ELAVL2: variants seen among roughly 807,000 people sequenced by gnomAD.
The protein encoded by ELAVL2 is ELAV-like protein 2.
Under a neutral mutation model 34.6 loss-of-function variants are expected in ELAVL2, and 4 were observed. The observed-to-expected ratio is 0.12, with a 90% confidence interval of 0.06 to 0.26. The LOEUF is 0.26. Ranked by LOEUF, ELAVL2 falls within the 10% of genes least tolerant of loss-of-function variation. The pLI, the probability that ELAVL2 is intolerant of heterozygous loss-of-function variation, is 1.00. For synonymous variants in ELAVL2, 193 were observed against 154.8 expected (o/e 1.25, Z -1.83); for missense variants, 432 against 442.8 (o/e 0.98, Z 0.22).
intron 2 of ELAVL2, among the ~76,000 whole-genome samples, chr9:23,735,059 A>G (rs533208604): frequency 6.8e-6 from 1 of 146,716 alleles, no homozygotes; most frequent in South Asian, 2.2e-4. Flanking sequence ...GGAAACCAAC[A>G]TGATTAAAAG....
chr9:23,720,401 C>T (rs1197014806), intron 3 of ELAVL2, among the ~76,000 whole-genome samples: 1 of 149,198 alleles, frequency 6.7e-6, no homozygotes, highest in Non-Finnish European at 1.5e-5. Context: ...TGATCCTGAA[C>T]TTCTGACTGC....
At chr9:23,733,275 T>G (rs1018839893) in intron 2 of ELAVL2, among the ~76,000 whole-genome samples, 1 of 151,926 alleles carries the variant, frequency 6.6e-6, no homozygotes, top group African/African-American at 2.4e-5. Flanking sequence ...TGTGTCTGTA[T>G]ATATATGTGT....
intron 1 of ELAVL2, among the ~76,000 whole-genome samples, chr9:23,824,274 A>G (rs552223228): frequency 5.9e-5 from 9 of 152,282 alleles, no homozygotes; most frequent in African/African-American, 1.9e-4. Context: ...AATTCTGTAC[A>G]GACGTGAAAT....
At chr9:23,698,256 T>C (rs1300072688) in intron 5 of ELAVL2, among the ~76,000 whole-genome samples, 4 of 152,214 alleles carry the variant, frequency 2.6e-5, no homozygotes, top group African/African-American at 9.6e-5. Context: ...TTAAGGGGCT[T>C]GAATTACACC....
intron 1 of ELAVL2, among the ~76,000 whole-genome samples, chr9:23,791,303 G>C (rs1005570222): frequency 6.6e-6 from 1 of 152,176 alleles, no homozygotes; most frequent in Non-Finnish European, 1.5e-5. Flanking sequence ...TTCCCTTCTG[G>C]AATGAAAAAC....
chr9:23,743,864 C>G (rs2049872087), intron 2 of ELAVL2, among the ~76,000 whole-genome samples: 1 of 152,120 alleles, frequency 6.6e-6, no homozygotes, highest in African/African-American at 2.4e-5. Context: ...ATATCTGAGA[C>G]CCACTCTTGG....
At chr9:23,705,842 C>A (rs2133385784) in intron 3 of ELAVL2, among the ~76,000 whole-genome samples, 1 of 152,280 alleles carries the variant, frequency 6.6e-6, no homozygotes, top group East Asian at 1.9e-4. Flanking sequence ...GGTCCATGGC[C>A]AGGGGTTGGG....
At chr9:23,754,319 T>G (rs2052971195) in intron 2 of ELAVL2, among the ~76,000 whole-genome samples, 1 of 152,200 alleles carries the variant, frequency 6.6e-6, no homozygotes, top group African/African-American at 2.4e-5. Context: ...ATTAAAGGCT[T>G]CATTACCACA....
chr9:23,723,712 G>T (rs2044342601), intron 3 of ELAVL2, among the ~76,000 whole-genome samples: 1 of 152,074 alleles, frequency 6.6e-6, no homozygotes, highest in Non-Finnish European at 1.5e-5. Flanking sequence ...TGATGCACAT[G>T]GTTTGCTTGA....
At chr9:23,737,655 T>G (rs1462340493) in intron 2 of ELAVL2, among the ~76,000 whole-genome samples, 2 of 152,176 alleles carry the variant, frequency 1.3e-5, no homozygotes, top group African/African-American at 2.4e-5. Context: ...ACCTGGTAGT[T>G]GAATCAACAA....
intron 2 of ELAVL2, among the ~76,000 whole-genome samples, chr9:23,737,793 A>C (rs2048246160): frequency 6.6e-6 from 1 of 152,208 alleles, no homozygotes; most frequent in Non-Finnish European, 1.5e-5. Context: ...GAAACAGGTC[A>C]CTATGGTCCT....
At chr9:23,715,906 C>A (rs2133871532) in intron 3 of ELAVL2, among the ~76,000 whole-genome samples, 1 of 152,162 alleles carries the variant, frequency 6.6e-6, no homozygotes, top group East Asian at 1.9e-4. Flanking sequence ...AGGTTCTCAT[C>A]AAGCCAATTT....
chr9:23,832,546 G>C, the ELAVL2 span, among the ~76,000 whole-genome samples: 22 of 152,106 alleles, frequency 1.4e-4, 1 homozygote, highest in African/African-American at 5.3e-4. Context: ...TAATGTCTTA[G>C]TGTTGTACCT....
At chr9:23,729,477 A>G (rs2046030529) in intron 3 of ELAVL2, among the ~76,000 whole-genome samples, 1 of 152,196 alleles carries the variant, frequency 6.6e-6, no homozygotes, top group Non-Finnish European at 1.5e-5. Context: ...GATCTCTGAC[A>G]CAGAAAGTAT....
intron 1 of ELAVL2, among the ~76,000 whole-genome samples, chr9:23,810,825 A>C (rs1456965777): frequency 2.0e-5 from 3 of 152,174 alleles, no homozygotes; most frequent in Non-Finnish European, 2.9e-5. Context: ...ACTTGGTGTT[A>C]ATCACCATTA....
intron 1 of ELAVL2, among the ~76,000 whole-genome samples, chr9:23,774,714 C>A (rs960176008): frequency 4.1e-5 from 6 of 145,696 alleles, no homozygotes; most frequent in South Asian, 2.2e-4. Flanking sequence ...TGCTTATGCT[C>A]AGGCTCTTGG....
At chr9:23,707,021 A>G (rs1209955402) in intron 3 of ELAVL2, among the ~76,000 whole-genome samples, 1 of 152,220 alleles carries the variant, frequency 6.6e-6, no homozygotes, top group African/African-American at 2.4e-5. Flanking sequence ...TTTGGAAGTT[A>G]TATTAGCACT....
chr9:23,715,523 C>T (rs2042066386), intron 3 of ELAVL2, among the ~76,000 whole-genome samples: 3 of 152,218 alleles, frequency 2.0e-5, no homozygotes, highest in African/African-American at 7.2e-5. Flanking sequence ...TTGGCTTTTG[C>T]TGCTTCACTG....
chr9:23,715,802 AAAG>A (rs1031485834), intron 3 of ELAVL2, among the ~76,000 whole-genome samples: 1 of 152,170 alleles, frequency 6.6e-6, no homozygotes, highest in African/African-American at 2.4e-5. Flanking sequence ...ATGTTAAACT[AAAG>A]AAGGACTACA....
Sources: allele counts gnomAD v4.1 joint callset (sites outside exome capture counted in the v4.1 genomes callset), GRCh38; gene constraint gnomAD v4.1.1; transcripts MANE v1.5; gene names NCBI Gene and HGNC (gene_info 2026-07-23, HGNC 2026-07-21).